ERBIN: variants seen among roughly 807,000 people sequenced by gnomAD.
ERBIN encodes erbb2 interacting protein, also known as densin-180-like protein.
Under a neutral mutation model 158.4 loss-of-function variants are expected in ERBIN, and 60 were observed. That is an observed-to-expected ratio of 0.38 (90% CI 0.31 to 0.47). ERBIN has a LOEUF of 0.47. Among genes scored for constraint, ERBIN ranks in the 20% least tolerant of loss-of-function variants. The pLI, the probability that ERBIN is intolerant of heterozygous loss-of-function variation, is 0.99. For synonymous variants in ERBIN, 594 were observed against 557.2 expected (o/e 1.07, Z -0.93); for missense variants, 1,610 against 1,648.0 (o/e 0.98, Z 0.40).
At chr5:65,977,071 C>T (rs1156698209) in intron 1 of ERBIN, among the ~76,000 whole-genome samples, 2 of 152,046 alleles carry the variant, frequency 1.3e-5, no homozygotes, top group Non-Finnish European at 2.9e-5. Context: ...CAGAGGGGCT[C>T]CTCACTTCCC....
chr5:66,063,732 A>G (rs938854270), intron 21 of ERBIN, among the ~76,000 whole-genome samples: 1 of 152,184 alleles, frequency 6.6e-6, no homozygotes, highest in Non-Finnish European at 1.5e-5. Context: ...TAGTCTCTGT[A>G]TGTTTAGCTT....
rs572638433 is a variant in ERBIN at position 65,984,576 on chromosome 5, G to A, written c.-57-4059G>A. Among the ~76,000 whole-genome samples, 494 of 152,340 alleles carry A rather than the reference G, an allele frequency of 3.2e-3. 3 individuals carry two copies. Among genetic ancestry groups the A allele is most frequent in the Non-Finnish European group, 5.4e-3 (365 of 68,040 alleles). ...CAGTGGCTCGGTTTAAGAGAGGGCC[G>A]CAGAGGGAACTGGGTCTGGATGTGG... On this transcript the variant is annotated intron_variant, in intron 1 of 25. Coordinates refer to ENST00000284037, the MANE Select transcript of ERBIN (RefSeq NM_001253697.2).
rs1755134228 is a variant in ERBIN at position 66,018,495 on chromosome 5, TATAA to T, written c.534-2826_534-2823del. ...ATATTATATATTATATATTATATTA[TATAA>T]TATATATTATATATTATATAATATA... is the stretch of plus-strand genomic sequence containing the variant. On this transcript the variant is annotated intron_variant, in intron 7 of 25. Transcript: ENST00000284037. Among the ~76,000 whole-genome samples the T allele has an allele frequency of 2.3e-4, 4 of 17,746 alleles. 2 individuals carry two copies. Among genetic ancestry groups the T allele is most frequent in the Non-Finnish European group, 3.7e-4 (4 of 10,886 alleles). The allele number at this position is 17,746 out of a possible 152,430, so 11.6% of individuals were successfully genotyped here.
At chr5:65,952,776 C>T (rs1746666542) in intron 1 of ERBIN, among the ~76,000 whole-genome samples, 1 of 152,068 alleles carries the variant, frequency 6.6e-6, no homozygotes, top group South Asian at 2.1e-4. Flanking sequence ...TTAGTGAATA[C>T]TATTAGCTTA....
At chr5:65,973,254 G>A (rs1749466450) in intron 1 of ERBIN, among the ~76,000 whole-genome samples, 1 of 150,918 alleles carries the variant, frequency 6.6e-6, no homozygotes, top group South Asian at 2.1e-4. Context: ...GGCCTGTTGT[G>A]GGGTGGGGGG....
chr5:66,012,557 G>A (rs1340777293), intron 5 of ERBIN, among the ~76,000 whole-genome samples: 7 of 152,128 alleles, frequency 4.6e-5, no homozygotes, highest in Admixed American at 4.6e-4. Flanking sequence ...AACAAAAAAA[G>A]AAAAAACTAT....
At chr5:65,932,948 G>T (rs1216977163) in intron 1 of ERBIN, among the ~76,000 whole-genome samples, 1 of 152,096 alleles carries the variant, frequency 6.6e-6, no homozygotes, top group South Asian at 2.1e-4. Context: ...GCACCACCAT[G>T]CCCGGCTAAT....
chr5:66,044,406 G>T (rs916345409), intron 17 of ERBIN, 96 bp downstream of exon 17: 2 of 1,114,276 alleles, frequency 1.8e-6, no homozygotes, highest in African/African-American at 3.2e-5. Context: ...CTCTGAATGT[G>T]CAGTCATGCA....
intron 4 of ERBIN, among the ~76,000 whole-genome samples, chr5:66,011,058 A>G (rs1754144777): frequency 6.6e-6 from 1 of 152,232 alleles, no homozygotes; most frequent in African/African-American, 2.4e-5. Context: ...CTGGTCTAGG[A>G]TACTCCAAAG....
At chr5:66,034,862 G>A (rs1350084503) in intron 14 of ERBIN, among the ~76,000 whole-genome samples, 1 of 152,146 alleles carries the variant, frequency 6.6e-6, no homozygotes, top group Non-Finnish European at 1.5e-5. Flanking sequence ...CAGCAAAGAG[G>A]TCTTGGTTTG....
chr5:66,062,304 G>A (rs573477780), intron 21 of ERBIN, among the ~76,000 whole-genome samples: 46 of 151,992 alleles, frequency 3.0e-4, no homozygotes, highest in African/African-American at 5.8e-4. Flanking sequence ...GTCTTCCATC[G>A]CTGATACCCT....
At position 66,024,425 on chromosome 5, in the gene ERBIN, A is replaced by T; in HGVS notation, c.792A>T (p.Ser264=). ...NLQDLLLSSN[S]LQQLPETIGS... Reference sequence around the variant, plus strand: ...AAGACCTCCTATTATCAAGCAATTCACTTCAGCAGCTTCCTGAGACTATTG... The same window carrying T: ...AAGACCTCCTATTATCAAGCAATTCTCTTCAGCAGCTTCCTGAGACTATTG... Residue 264 remains serine, a synonymous_variant, in exon 10 of 26, where the codon TCA becomes TCT. Transcript: ENST00000284037. The T allele has an allele frequency of 6.3e-7, 1 of 1,597,716 alleles. No individual in the cohort carries two copies. The highest frequency in any genetic ancestry group is 8.5e-7 in the Non-Finnish European group (1 of 1,175,818).
intron 20 of ERBIN, among the ~76,000 whole-genome samples, chr5:66,052,234 C>T (rs1759110927): frequency 6.7e-6 from 1 of 150,364 alleles, no homozygotes; most frequent in African/African-American, 2.5e-5. Flanking sequence ...TACTACTAAA[C>T]CAAAAGTTTA....
rs70987104 is a variant in ERBIN, at chr5:65,964,908, T to TTGTGTGTGTGTGTGTG, written c.-57-23705_-57-23690dup. On this transcript the variant is annotated intron_variant, in intron 1 of 25. Transcript: ENST00000284037. ...GCGTGGGCCACCACGCCTGGCTGAT[T>TTGTGTGTGTGTGTGTG]TGTGTGTGTGTGTGTGTGTGTGTGT... 6.6e-4 allele frequency among the ~76,000 whole-genome samples: 71 copies of TTGTGTGTGTGTGTGTG among 107,256 alleles called. 1 individual carries two copies. The highest frequency in any genetic ancestry group is 2.7e-3 in the African/African-American group (68 of 25,308). The allele number at this position is 107,256 out of a possible 152,430, so 70.4% of individuals were successfully genotyped here.
chr5:66,058,455 G>C (rs1266874820), intron 21 of ERBIN, among the ~76,000 whole-genome samples: 2 of 151,210 alleles, frequency 1.3e-5, no homozygotes, highest in African/African-American at 4.9e-5. Context: ...AGATGAGTAG[G>C]TTGCAAAAAT....
chr5:65,934,137 T>TCC, intron 1 of ERBIN, among the ~76,000 whole-genome samples: 1 of 152,142 alleles, frequency 6.6e-6, no homozygotes, highest in Non-Finnish European at 1.5e-5. Flanking sequence ...ATGTCATGAT[T>TCC]TGCCTGCCTT....
chr5:66,058,034 CT>C (rs1410997340), intron 21 of ERBIN, among the ~76,000 whole-genome samples: 1 of 152,010 alleles, frequency 6.6e-6, no homozygotes, highest in African/African-American at 2.4e-5. Flanking sequence ...ATTTATAATC[CT>C]TTAGGTATAT....
chr5:65,971,165 G>T (rs183122602), intron 1 of ERBIN, among the ~76,000 whole-genome samples: 1 of 151,788 alleles, frequency 6.6e-6, no homozygotes, highest in Non-Finnish European at 1.5e-5. Flanking sequence ...ATCTAAATTG[G>T]TTGAGGTGTA....
At chr5:65,946,643 A>G (rs1025503206) in intron 1 of ERBIN, among the ~76,000 whole-genome samples, 3 of 152,192 alleles carry the variant, frequency 2.0e-5, no homozygotes, top group Admixed American at 1.3e-4. Context: ...CACTGGGATA[A>G]AAGTATAAGA....
Sources: gnomAD v4.1 joint callset for allele counts (sites outside exome capture counted in the v4.1 genomes callset) on GRCh38, gnomAD v4.1.1 for gene constraint, MANE v1.5 for transcripts, NCBI Gene and HGNC (gene_info 2026-07-23, HGNC 2026-07-21) for gene names.